KCNT2: variants seen among roughly 807,000 people sequenced by gnomAD.
The protein encoded by KCNT2 is potassium sodium-activated channel subfamily T member 2.
KCNT2 carries 67 observed loss-of-function variants against 153.8 expected under a neutral mutation model. The observed-to-expected ratio is 0.44, with a 90% confidence interval of 0.36 to 0.53. The LOEUF (loss-of-function observed/expected upper bound fraction) is 0.53, where lower values mean the gene tolerates loss of function less well. Among genes scored for constraint, KCNT2 ranks in the 20% least tolerant of loss-of-function variants. The pLI is 0.00. For synonymous variants in KCNT2, 500 were observed against 458.8 expected (o/e 1.09, Z -1.15); for missense variants, 975 against 1,354.8 (o/e 0.72, Z 4.40).
intron 25 of KCNT2, among the ~76,000 whole-genome samples, chr1:196,277,537 T>C (rs1658683877): frequency 6.6e-6 from 1 of 152,138 alleles, no homozygotes; most frequent in Non-Finnish European, 1.5e-5. Context: ...CTTTAATATG[T>C]GTTTATATGG....
At position 196,608,402 on chromosome 1, in the gene KCNT2, A is replaced by C; in HGVS notation, c.-93T>G. ...TGCGGAGTACAGGGAGAGGACTAACAAGACGCTGTGGCCGAGAGAGGGATG... is the reference window on the plus strand; with the variant it reads ...TGCGGAGTACAGGGAGAGGACTAACCAGACGCTGTGGCCGAGAGAGGGATG... On this transcript the variant is annotated 5_prime_UTR_variant, in exon 1 of 28. Transcript: ENST00000294725. 1.0e-6 allele frequency: 1 copy of C among 985,114 alleles called. No homozygotes were observed. Among genetic ancestry groups the C allele is most frequent in the East Asian group, 2.5e-5 (1 of 40,442 alleles). The allele number at this position is 985,114 out of a possible 1,614,324, so 61.0% of individuals were successfully genotyped here.
At chr1:196,559,359 C>T (rs1659087189) in intron 1 of KCNT2, among the ~76,000 whole-genome samples, 1 of 151,652 alleles carries the variant, frequency 6.6e-6, no homozygotes, top group Non-Finnish European at 1.5e-5. Flanking sequence ...CCCATGAATA[C>T]ATATATTTCA....
intron 1 of KCNT2, among the ~76,000 whole-genome samples, chr1:196,539,848 T>C (rs1432722626): frequency 1.3e-5 from 2 of 151,574 alleles, no homozygotes; most frequent in Non-Finnish European, 2.9e-5. Context: ...ATTATATATA[T>C]AAATTATATC....
At chr1:196,507,526 T>C (rs1294983305) in intron 1 of KCNT2, among the ~76,000 whole-genome samples, 1 of 152,108 alleles carries the variant, frequency 6.6e-6, no homozygotes, top group East Asian at 1.9e-4. Flanking sequence ...GGCGACTGTA[T>C]TTGTGGAAGT....
intron 13 of KCNT2, among the ~76,000 whole-genome samples, 170 bp downstream of exon 13, chr1:196,398,393 T>C (rs1369367676): frequency 6.6e-6 from 1 of 151,620 alleles, no homozygotes; most frequent in African/African-American, 2.4e-5. Context: ...TCTTGTCACA[T>C]ATTAAAGTGG....
rs1654870177 is a variant in KCNT2 at position 196,531,057 on chromosome 1, T to C, written c.96-38716A>G. Among the ~76,000 whole-genome samples, 3 of 152,254 alleles carry C rather than the reference T, an allele frequency of 2.0e-5. No homozygotes were observed. In the South Asian group the frequency reaches 6.2e-4, roughly 32 times the overall value. On this transcript the variant is annotated intron_variant, in intron 1 of 27. Transcript: ENST00000294725. ...TTTACACAACATAAGTTCTTGAACTTATCACTGCCCGGAGATGAACAACCA... is the reference window on the plus strand; with the variant it reads ...TTTACACAACATAAGTTCTTGAACTCATCACTGCCCGGAGATGAACAACCA...
At chr1:196,587,661 G>A (rs1386684340) in intron 1 of KCNT2, among the ~76,000 whole-genome samples, 1 of 151,860 alleles carries the variant, frequency 6.6e-6, no homozygotes, top group Non-Finnish European at 1.5e-5. Flanking sequence ...TTTTATGTAA[G>A]TACTCAATAG....
chr1:196,586,717 A>T (rs1662728282), intron 1 of KCNT2, among the ~76,000 whole-genome samples: 1 of 143,134 alleles, frequency 7.0e-6, no homozygotes, highest in Admixed American at 6.6e-5. Flanking sequence ...CAAGAGGATT[A>T]AAAAAAACAA....
At chr1:196,559,717 T>G (rs895187323) in intron 1 of KCNT2, among the ~76,000 whole-genome samples, 1 of 151,818 alleles carries the variant, frequency 6.6e-6, no homozygotes, top group Non-Finnish European at 1.5e-5. Context: ...TTCTCTGTTT[T>G]TTAGTGATGT....
At chr1:196,375,007 T>C (rs937205690) in intron 13 of KCNT2, among the ~76,000 whole-genome samples, 2 of 151,770 alleles carry the variant, frequency 1.3e-5, no homozygotes, top group Non-Finnish European at 3.0e-5. Flanking sequence ...TTTCTTTCAG[T>C]AGGGGAATGT....
chr1:196,480,511 C>T (rs972806879), intron 4 of KCNT2, among the ~76,000 whole-genome samples: 9 of 152,024 alleles, frequency 5.9e-5, no homozygotes, highest in African/African-American at 1.9e-4. Flanking sequence ...AAGTACATAG[C>T]ATTAGATGAT....
intron 1 of KCNT2, among the ~76,000 whole-genome samples, chr1:196,515,105 A>G (rs1164527569): frequency 1.3e-5 from 2 of 152,192 alleles, no homozygotes; most frequent in African/African-American, 2.4e-5. Context: ...CTGGCTCACT[A>G]TGATTTCCGA....
intron 25 of KCNT2, among the ~76,000 whole-genome samples, chr1:196,262,446 G>C (rs1657115988): frequency 6.6e-6 from 1 of 151,868 alleles, no homozygotes; most frequent in Admixed American, 6.6e-5. Flanking sequence ...TGTTAAAGAA[G>C]AAAAGAAAAT....
rs1665683575 is a variant in KCNT2 at position 196,342,016 on chromosome 1, C to G, written c.1553+63G>C. The G allele has an allele frequency of 5.3e-6, 8 of 1,521,888 alleles. No homozygotes were observed. The Admixed American group carries it at 1.4e-4, about 26-fold the overall frequency. The allele number at this position is 1,521,888 out of a possible 1,614,324, so 94.3% of individuals were successfully genotyped here. ...ACAATATGCATTCTATTTTTGAAAA[C>G]TATTTTCACATGATATGCTTGACTG... is the stretch of plus-strand genomic sequence containing the variant. On this transcript the variant is annotated intron_variant, in intron 15 of 27. Coordinates refer to ENST00000294725, the MANE Select transcript of KCNT2 (RefSeq NM_198503.5).
At chr1:196,341,758 T>C (rs1436882701) in intron 15 of KCNT2, among the ~76,000 whole-genome samples, 2 of 152,038 alleles carry the variant, frequency 1.3e-5, no homozygotes, top group African/African-American at 4.8e-5. Flanking sequence ...TTGTTTTAGT[T>C]CCTAATCAAC....
intron 1 of KCNT2, among the ~76,000 whole-genome samples, chr1:196,496,579 A>G (rs1435432901): frequency 6.6e-6 from 1 of 152,214 alleles, no homozygotes; most frequent in Non-Finnish European, 1.5e-5. Flanking sequence ...CAAACTTCTA[A>G]ATAAAAACCA....
chr1:196,549,129 A>G (rs1314542440), intron 1 of KCNT2, among the ~76,000 whole-genome samples: 2 of 152,072 alleles, frequency 1.3e-5, no homozygotes, highest in African/African-American at 4.8e-5. Flanking sequence ...CATTGTGCAC[A>G]TGTACCCTAA....
chr1:196,460,761 C>T (rs576559558), intron 8 of KCNT2, among the ~76,000 whole-genome samples: 3 of 151,724 alleles, frequency 2.0e-5, no homozygotes, highest in South Asian at 4.1e-4. Flanking sequence ...TAATATGAGA[C>T]TCATTTGAAT....
At chr1:196,478,886 GA>G (rs1369595877) in intron 5 of KCNT2, among the ~76,000 whole-genome samples, 2 of 152,034 alleles carry the variant, frequency 1.3e-5, no homozygotes, top group African/African-American at 4.8e-5. Context: ...GTACAAATCA[GA>G]AAAAAACAAT....
Sources: allele counts gnomAD v4.1 joint callset (sites outside exome capture counted in the v4.1 genomes callset), GRCh38; gene constraint gnomAD v4.1.1; transcripts MANE v1.5; gene names NCBI Gene and HGNC (gene_info 2026-07-23, HGNC 2026-07-21).